Variants in SLCO3A1 observed in about 807,000 individuals in gnomAD.
SLCO3A1 encodes solute carrier organic anion transporter family member 3A1, also known as PGE1 transporter.
SLCO3A1 carries 27 observed loss-of-function variants against 63.1 expected under a neutral mutation model. That is an observed-to-expected ratio of 0.43 (90% CI 0.32 to 0.59). The LOEUF is 0.59. Among genes scored for constraint, SLCO3A1 ranks in the 20% least tolerant of loss-of-function variants. The pLI is 0.09. For synonymous variants in SLCO3A1, 473 were observed against 409.9 expected (o/e 1.15, Z -1.86); for missense variants, 773 against 945.8 (o/e 0.82, Z 2.40).
chr15:91,896,164 T>C (rs765251708), intron 1 of SLCO3A1, among the ~76,000 whole-genome samples: 1 of 152,202 alleles, frequency 6.6e-6, no homozygotes, highest in Admixed American at 6.5e-5. Context: ...CAGTTCATAA[T>C]ATGGTTGTAG....
At chr15:91,908,564 T>A (rs1348287342) in intron 1 of SLCO3A1, 1 of 152,040 alleles carries the variant, frequency 6.6e-6, no homozygotes, top group East Asian at 1.9e-4. Context: ...GAACTGTAAA[T>A]GACTCACCCC....
chr15:91,880,389 C>CTGTGTGTGTGTGTGTGTGTGTGTG (rs1358208114), intron 1 of SLCO3A1, among the ~76,000 whole-genome samples: 2 of 103,710 alleles, frequency 1.9e-5, no homozygotes, highest in African/African-American at 1.1e-4. Flanking sequence ...GCTTCTCTCT[C>CTGTGTGTGTGTGTGTGTGTGTGTG]TCTCTCTCTC....
In SLCO3A1 at chr15:91,853,855, C is replaced by T. The variant is rs1896838940; in HGVS notation, c.-54C>T. On this transcript the variant is annotated 5_prime_UTR_variant, in exon 1 of 10. Coordinates refer to ENST00000318445, the MANE Select transcript of SLCO3A1 (RefSeq NM_013272.4). The stretch of plus-strand genomic sequence containing the variant: ...CCCGCCCGGCAGCGGCCCCGACACC[C>T]GGGGCGAGCGGGAAAGCGGCAGCGG... 2 of 1,233,146 alleles carry T rather than the reference C, an allele frequency of 1.6e-6. No individual in the cohort carries two copies. Among genetic ancestry groups the T allele is most frequent in the Non-Finnish European group, 1.0e-6 (1 of 994,370 alleles). 76.4% of individuals were successfully genotyped at this position (1,233,146 alleles called of 1,614,324 possible).
chr15:91,978,330 G>C (rs1488409022), intron 2 of SLCO3A1, among the ~76,000 whole-genome samples: 1 of 152,112 alleles, frequency 6.6e-6, no homozygotes. Flanking sequence ...AGTGAACTAA[G>C]CTCTTTTACT....
chr15:92,037,321 A>G (rs1249735876), intron 2 of SLCO3A1, among the ~76,000 whole-genome samples: 1 of 152,218 alleles, frequency 6.6e-6, no homozygotes, highest in Non-Finnish European at 1.5e-5. Context: ...TAAACCCTCC[A>G]AACAGCTCTC....
intron 2 of SLCO3A1, among the ~76,000 whole-genome samples, chr15:91,960,881 G>T (rs1900420005): frequency 6.6e-6 from 1 of 152,160 alleles, no homozygotes; most frequent in Non-Finnish European, 1.5e-5. Context: ...TTTCCTTTGA[G>T]TGTCATGTCA....
intron 2 of SLCO3A1, among the ~76,000 whole-genome samples, chr15:92,079,318 C>T (rs972703700): frequency 6.6e-6 from 1 of 152,206 alleles, no homozygotes; most frequent in Non-Finnish European, 1.5e-5. Flanking sequence ...TGTTAGTCTC[C>T]TGGGGCTGCC....
chr15:91,994,536 G>C (rs1439916529), intron 2 of SLCO3A1, among the ~76,000 whole-genome samples: 2 of 152,142 alleles, frequency 1.3e-5, no homozygotes, highest in Non-Finnish European at 2.9e-5. Context: ...TTGTCCTTAA[G>C]GAGGAGCATG....
intron 2 of SLCO3A1, among the ~76,000 whole-genome samples, chr15:92,050,163 T>G (rs941168915): frequency 6.6e-6 from 1 of 152,204 alleles, no homozygotes; most frequent in South Asian, 2.1e-4. Context: ...TCTTGTGGAC[T>G]TTTTCTGGTG....
At chr15:92,134,655 G>T (rs1021334620) in intron 7 of SLCO3A1, among the ~76,000 whole-genome samples, 1 of 152,114 alleles carries the variant, frequency 6.6e-6, no homozygotes, top group Non-Finnish European at 1.5e-5. Flanking sequence ...TTCAGGTTAG[G>T]GGCCAAAAAA....
At chr15:92,047,015 A>G (rs2046873901) in intron 2 of SLCO3A1, among the ~76,000 whole-genome samples, 1 of 78,298 alleles carries the variant, frequency 1.3e-5, no homozygotes, top group African/African-American at 4.4e-5. Context: ...ATAAATATAT[A>G]TATAATATAT....
At chr15:92,060,907 C>A (rs1340779786) in intron 2 of SLCO3A1, among the ~76,000 whole-genome samples, 3 of 152,152 alleles carry the variant, frequency 2.0e-5, no homozygotes, top group Non-Finnish European at 4.4e-5. Flanking sequence ...TCAGGATCAT[C>A]AAGACATAAT....
intron 2 of SLCO3A1, among the ~76,000 whole-genome samples, chr15:92,082,612 CA>C (rs1247212516): frequency 6.6e-6 from 1 of 152,146 alleles, no homozygotes; most frequent in Non-Finnish European, 1.5e-5. Flanking sequence ...TCCTGAAACA[CA>C]AAGATAATTC....
At chr15:92,096,698 T>C (rs937679949) in intron 3 of SLCO3A1, among the ~76,000 whole-genome samples, 8 of 152,162 alleles carry the variant, frequency 5.3e-5, no homozygotes, top group Non-Finnish European at 7.3e-5. Flanking sequence ...AAAGAAATAA[T>C]GTGGTTTTAA....
Position 91,854,036 on chromosome 15 carries a change from T to C in SLCO3A1, c.128T>C (p.Leu43Pro). The change falls in exon 1 of 10, where the codon CTG becomes CCG. Residue 43 changes from leucine (L) to proline (P), a missense_variant. By Grantham distance (98) the Leu-to-Pro change is moderately conservative. Around this residue, in one of 3 missense-constraint regions of SLCO3A1, gnomAD observed 69 missense variants for 64.6 expected, o/e 1.07. Coordinates refer to ENST00000318445, the MANE Select transcript of SLCO3A1 (RefSeq NM_013272.4). This position sits in a 1 kb window ranked among gnomAD's most constrained non-coding sequence, Gnocchi z 6.4. Reference protein sequence around the residue: ...VSCFSNIKIFLVSECALMLAQ... With the variant: ...VSCFSNIKIFPVSECALMLAQ... ...TGCTTTTCCAACATCAAGATCTTCCTGGTGTCCGAGTGCGCCCTGATGCTG... is the reference window on the plus strand; with the variant it reads ...TGCTTTTCCAACATCAAGATCTTCCCGGTGTCCGAGTGCGCCCTGATGCTG... 6.5e-7 allele frequency: 1 copy of C among 1,543,424 alleles called. No homozygotes were observed. The highest frequency in any genetic ancestry group is 2.7e-5 in the East Asian group (1 of 37,230).
chr15:91,925,923 GC>G (rs1332537744), intron 2 of SLCO3A1, among the ~76,000 whole-genome samples: 1 of 152,190 alleles, frequency 6.6e-6, no homozygotes, highest in African/African-American at 2.4e-5. Context: ...ATCTACAGCT[GC>G]CAGGTTTCTG....
intron 2 of SLCO3A1, among the ~76,000 whole-genome samples, chr15:91,965,484 T>G (rs1413212028): frequency 1.3e-5 from 2 of 152,184 alleles, no homozygotes; most frequent in Admixed American, 6.5e-5. Flanking sequence ...TCTAAAAATA[T>G]CCTTCATTGA....
chr15:91,940,659 A>G (rs185720503), intron 2 of SLCO3A1, among the ~76,000 whole-genome samples: 2 of 152,140 alleles, frequency 1.3e-5, no homozygotes, highest in African/African-American at 4.8e-5. Context: ...TCACATGCTC[A>G]TGTGAGTCGA....
intron 1 of SLCO3A1, among the ~76,000 whole-genome samples, chr15:91,881,467 CACGAT>C (rs1897584610): frequency 6.6e-6 from 1 of 152,024 alleles, no homozygotes; most frequent in African/African-American, 2.4e-5. Flanking sequence ...GCATAAAATG[CACGAT>C]AAAGAAAAAT....
Sources: allele counts gnomAD v4.1 joint callset (sites outside exome capture counted in the v4.1 genomes callset), GRCh38; gene constraint gnomAD v4.1.1; regional missense constraint gnomAD v4.1.1; non-coding constraint Gnocchi (gnomAD v3.1); transcripts MANE v1.5; gene names NCBI Gene and HGNC (gene_info 2026-07-23, HGNC 2026-07-21).